The following PDE9A variants were observed in gnomAD, a reference collection of about 807,000 sequenced individuals.
The protein encoded by PDE9A is phosphodiesterase 9A.
PDE9A carries 60 observed loss-of-function variants against 87.4 expected under a neutral mutation model. The observed-to-expected ratio is 0.69, with a 90% CI of 0.56 to 0.85. The LOEUF is 0.85. Ranked by LOEUF, PDE9A falls within the 40% of genes least tolerant of loss-of-function variation. The pLI is 0.00. For synonymous variants in PDE9A, 272 were observed against 279.4 expected (o/e 0.97, Z 0.27); for missense variants, 665 against 779.0 (o/e 0.85, Z 1.74).
intron 1 of PDE9A, among the ~76,000 whole-genome samples, chr21:42,662,096 A>T (rs1025258895): frequency 6.6e-6 from 1 of 152,152 alleles, no homozygotes; most frequent in Non-Finnish European, 1.5e-5. Context: ...ATACGCGTCA[A>T]ATGCTAGAAC....
At chr21:42,712,614 G>A (rs1913390188) in intron 4 of PDE9A, among the ~76,000 whole-genome samples, 1 of 152,194 alleles carries the variant, frequency 6.6e-6, no homozygotes, top group African/African-American at 2.4e-5. Context: ...GATGCCTTCG[G>A]TCTCTCACCA....
chr21:42,762,269 G>A, intron 14 of PDE9A, 30 bp downstream of exon 14: 1 of 1,606,866 alleles, frequency 6.2e-7, no homozygotes, highest in East Asian at 2.2e-5. Context: ...TCCCACCGGA[G>A]TGGGGGCACA....
At chr21:42,691,676 T>C (rs1310200701) in intron 3 of PDE9A, among the ~76,000 whole-genome samples, 92 of 125,386 alleles carry the variant, frequency 7.3e-4, no homozygotes, top group South Asian at 1.1e-3. Flanking sequence ...CCAAAGTCAC[T>C]CAGCCCATCA....
intron 1 of PDE9A, among the ~76,000 whole-genome samples, chr21:42,685,467 C>CTTTTTTTTTTTTTTTTTTT (rs765252066): frequency 6.9e-5 from 8 of 115,970 alleles, no homozygotes; most frequent in East Asian, 2.7e-4. Flanking sequence ...GAAAGGCAGT[C>CTTTTTTTTTTTTTTTTTTT]TTTTTTTTTT....
intron 4 of PDE9A, among the ~76,000 whole-genome samples, chr21:42,703,585 T>C (rs1380570131): frequency 1.3e-5 from 2 of 152,124 alleles, no homozygotes; most frequent in Non-Finnish European, 2.9e-5. Flanking sequence ...GATTTCTGTG[T>C]CACCTGGGGA....
chr21:42,725,501 A>G (rs1381485281), intron 4 of PDE9A, among the ~76,000 whole-genome samples: 1 of 152,124 alleles, frequency 6.6e-6, no homozygotes, highest in Non-Finnish European at 1.5e-5. Flanking sequence ...AGCCTCCCAT[A>G]GTGCTGGGAT....
chr21:42,732,453 C>A (rs1040283680), intron 6 of PDE9A, among the ~76,000 whole-genome samples: 1 of 152,234 alleles, frequency 6.6e-6, no homozygotes, highest in Admixed American at 6.5e-5. Flanking sequence ...AAATAAGCTT[C>A]CTCGCTGAGC....
chr21:42,736,598 C>T (rs992155952), intron 7 of PDE9A, among the ~76,000 whole-genome samples: 1 of 152,362 alleles, frequency 6.6e-6, no homozygotes, highest in Middle Eastern at 3.4e-3. Flanking sequence ...GTACTGATTT[C>T]TAGCACCAGA....
chr21:42,676,986 C>T lies in PDE9A; in HGVS notation c.70-9206C>T, dbSNP rs1423552943. On this transcript the variant is annotated intron_variant, in intron 1 of 19. Transcript: ENST00000291539. ...CAGCAGTGAGCTCCACGGGGCCCAG[C>T]GTCCGGCCTCATTAACCAGCTGCCC... Among the ~76,000 whole-genome samples, 7 of 152,188 alleles carry T rather than the reference C, an allele frequency of 4.6e-5. No individual in the cohort carries two copies. In the East Asian group the frequency reaches 9.6e-4, roughly 21 times the overall value.
intron 3 of PDE9A, among the ~76,000 whole-genome samples, chr21:42,698,363 A>T (rs369087074): frequency 2.0e-5 from 3 of 152,114 alleles, no homozygotes; most frequent in African/African-American, 4.8e-5. Flanking sequence ...CTCCTGGTCT[A>T]TGCCTGTTCC....
rs1248366204 is a variant in PDE9A, at chr21:42,694,555, T to G, written c.219-4413T>G. Among the ~76,000 whole-genome samples, 1 of 152,214 alleles carries G rather than the reference T, an allele frequency of 6.6e-6. No homozygotes were observed. The highest frequency in any genetic ancestry group is 2.4e-5 in the African/African-American group (1 of 41,464). ...TCTTAGAGCTTAAAACTCTAGCTTC[T>G]TCTCTGCTCCTCATTCCAAACTAAA... is the stretch of plus-strand genomic sequence containing the variant. On this transcript the variant is annotated intron_variant, in intron 3 of 19. Coordinates refer to ENST00000291539, the MANE Select transcript of PDE9A (RefSeq NM_002606.3). This position sits in a 1 kb window ranked among gnomAD's most constrained non-coding sequence, Gnocchi z 5.3.
At chr21:42,770,313 T>G (rs566657256) in intron 17 of PDE9A, among the ~76,000 whole-genome samples, 50 of 152,192 alleles carry the variant, frequency 3.3e-4, no homozygotes, top group African/African-American at 1.2e-3. Flanking sequence ...CTTCCTGGGC[T>G]CCTACGCTGC....
At position 42,760,720 on chromosome 21, in the gene PDE9A, G is replaced by C. The variant is rs1167386987; in HGVS notation, c.1003-105G>C. 2.7e-6 allele frequency: 2 copies of C among 742,062 alleles called. No individual in the cohort carries two copies. The allele number at this position is 742,062 out of a possible 1,614,324, so 46.0% of individuals were successfully genotyped here. ...GCCAGGAGATGCCAGATGGCTGCAG[G>C]GGCCTTTGTCCCCCGCTTACCACTC... On this transcript the variant is annotated intron_variant, in intron 12 of 19. Transcript: ENST00000291539. This position sits in a 1 kb window ranked among gnomAD's most constrained non-coding sequence, Gnocchi z 5.2.
intron 15 of PDE9A, among the ~76,000 whole-genome samples, chr21:42,766,021 C>T (rs2056364037): frequency 6.6e-6 from 1 of 152,192 alleles, no homozygotes; most frequent in Admixed American, 6.5e-5. Flanking sequence ...TTGGAAAGGA[C>T]AGGCACTGGG....
chr21:42,735,310 T>C (rs1602346959), intron 7 of PDE9A, among the ~76,000 whole-genome samples: 1 of 152,112 alleles, frequency 6.6e-6, no homozygotes, highest in South Asian at 2.1e-4. Context: ...TGGCTACAGG[T>C]TCAAAATCTA....
chr21:42,762,300 C>T (rs1301266852), intron 14 of PDE9A, 61 bp downstream of exon 14: 3 of 1,547,168 alleles, frequency 1.9e-6, no homozygotes, highest in Admixed American at 1.8e-5. Context: ...GAGCAGCCCC[C>T]ACTCTCCATT....
At position 42,696,328 on chromosome 21, in the gene PDE9A, C is replaced by A. The variant is rs936270551; in HGVS notation, c.219-2640C>A. Among the ~76,000 whole-genome samples, 1 of 152,220 alleles carries A rather than the reference C, an allele frequency of 6.6e-6. No homozygotes were observed. The highest frequency in any genetic ancestry group is 2.4e-5 in the African/African-American group (1 of 41,452). On this transcript the variant is annotated intron_variant, in intron 3 of 19. Coordinates refer to ENST00000291539, the MANE Select transcript of PDE9A (RefSeq NM_002606.3). This position sits in a 1 kb window ranked among gnomAD's most constrained non-coding sequence, Gnocchi z 5.1. Reference sequence around the variant, plus strand: ...TGTTCTCCCTCCAGCCCTTGCCCCACCTCCTGGAGCCCTTCTCTGCGCCTG... The same window carrying A: ...TGTTCTCCCTCCAGCCCTTGCCCCAACTCCTGGAGCCCTTCTCTGCGCCTG...
At chr21:42,681,805 G>T (rs915495200) in intron 1 of PDE9A, among the ~76,000 whole-genome samples, 2 of 152,170 alleles carry the variant, frequency 1.3e-5, no homozygotes, top group African/African-American at 4.8e-5. Context: ...TAATCTTGCT[G>T]CCTCTGCATC....
intron 1 of PDE9A, among the ~76,000 whole-genome samples, chr21:42,684,006 C>A (rs565702145): frequency 6.6e-6 from 1 of 152,230 alleles, no homozygotes; most frequent in Non-Finnish European, 1.5e-5. Flanking sequence ...AGGACCACCC[C>A]GCTCATCTGA....
Sources: gnomAD v4.1 joint callset for allele counts (sites outside exome capture counted in the v4.1 genomes callset) on GRCh38, gnomAD v4.1.1 for gene constraint, Gnocchi (gnomAD v3.1) non-coding constraint, MANE v1.5 for transcripts, NCBI Gene and HGNC (gene_info 2026-07-23, HGNC 2026-07-21) for gene names.